Variants in MDN1 observed in about 807,000 individuals in gnomAD.
MDN1 encodes the protein midasin.
MDN1 carries 266 observed loss-of-function variants against 669.2 expected under a neutral mutation model. The ratio of observed to expected loss-of-function variants is 0.40; its 90% CI spans 0.36 to 0.44. The LOEUF (loss-of-function observed/expected upper bound fraction) is 0.44, where lower values mean the gene tolerates loss of function less well. Ranked by LOEUF, MDN1 falls within the 20% of genes least tolerant of loss-of-function variation. MDN1 has a pLI of 1.00. For missense variants in MDN1, 5,940 were observed against 6,754.0 expected (o/e 0.88, Z 4.22); for synonymous variants, 2,385 against 2,457.1 (o/e 0.97, Z 0.87).
In MDN1 at chr6:89,676,093, T is replaced by C; in HGVS notation, c.12645+9A>G. The C allele has an allele frequency of 1.9e-6, 3 of 1,612,412 alleles. No homozygotes were observed. Among genetic ancestry groups the C allele is most frequent in the Non-Finnish European group, 2.5e-6 (3 of 1,178,420 alleles). ...GAGCCCCTGCAAGACTCATGTTCTA[T>C]CATTCTACCTTGGCAGGAGTTGCTA... On this transcript the variant is annotated intron_variant, in intron 77 of 101. Transcript: ENST00000369393.
At position 89,673,468 on chromosome 6, in the gene MDN1, A is replaced by G. The variant is rs777563142; in HGVS notation, c.13248-6T>C. 2 of 1,613,568 alleles carry G rather than the reference A, an allele frequency of 1.2e-6. No homozygotes were observed. The highest frequency in any genetic ancestry group is 1.7e-5 in the Admixed American group (1 of 60,000). ...AGCAAACTTCAAAATCTTTCCTGCA[A>G]CAGAAATGCCACAATGTTGAAAGGA... is the stretch of plus-strand genomic sequence containing the variant. On this transcript the variant is annotated splice_polypyrimidine_tract_variant and splice_region_variant and intron_variant, in intron 79 of 101. Coordinates refer to ENST00000369393, the MANE Select transcript of MDN1 (RefSeq NM_014611.3).
chr6:89,727,874 G>A lies in MDN1; in HGVS notation c.5431C>T (p.Leu1811=), dbSNP rs529609414. Residue 1811 remains leucine (L), a synonymous_variant, in exon 37 of 102, where the codon CTG becomes TTG. Transcript: ENST00000369393. ...GEFAWRDGPL[L]AALKAGHWVV... is the part of the protein sequence containing the mutation. ...CAATGGCCTGCCTTCAAAGCTGCCA[G>A]TAAGGGGCCATCACGCCAGGCAAAC... 6.2e-7 allele frequency: 1 copy of A among 1,613,892 alleles called. No homozygotes were observed.
chr6:89,736,478 A>G (rs1321864689), intron 33 of MDN1, among the ~76,000 whole-genome samples: 3 of 152,146 alleles, frequency 2.0e-5, no homozygotes, highest in Non-Finnish European at 4.4e-5. Context: ...AAGACAAACC[A>G]TGCTTGGTTA....
intron 1 of MDN1, among the ~76,000 whole-genome samples, chr6:89,811,381 C>A (rs997733382): frequency 1.3e-5 from 2 of 151,912 alleles, no homozygotes; most frequent in African/African-American, 2.4e-5. Flanking sequence ...ACCATGTCAG[C>A]TGGCTTGCTA....
At chr6:89,727,729 CG>C (rs1182538522) in intron 37 of MDN1, 103 bp downstream of exon 37, 6 of 1,552,192 alleles carry the variant, frequency 3.9e-6, no homozygotes, top group Admixed American at 1.7e-5. Flanking sequence ...AAGTCATCAG[CG>C]GGATCTTCCA....
chr6:89,758,329 G>A lies in MDN1; in HGVS notation c.2628C>T (p.Asp876=). 1 of 1,610,728 alleles carries A rather than the reference G, an allele frequency of 6.2e-7. No individual in the cohort carries two copies. Among genetic ancestry groups the A allele is most frequent in the South Asian group, 1.1e-5 (1 of 90,124 alleles). Residue 876 remains aspartate (D), a synonymous_variant, in exon 19 of 102, where the codon GAC becomes GAT. Coordinates refer to ENST00000369393, the MANE Select transcript of MDN1 (RefSeq NM_014611.3). ...GDTEPLVRHP[D]FRLFACMNPA... is the part of the protein sequence containing the mutation. Reference sequence around the variant, plus strand: ...GATTCATACAGGCAAATAAACGGAAGTCAGGATGCCGAACCAGTGGCTCTG... The same window carrying A: ...GATTCATACAGGCAAATAAACGGAAATCAGGATGCCGAACCAGTGGCTCTG...
chr6:89,738,407 T>G lies in MDN1; in HGVS notation c.4642A>C (p.Ser1548Arg). 6.2e-7 allele frequency: 1 copy of G among 1,614,108 alleles called. No individual in the cohort carries two copies. Among genetic ancestry groups the G allele is most frequent in the African/African-American group, 1.3e-5 (1 of 75,042 alleles). Residue 1548 changes from serine (S) to arginine (R), a missense_variant, in exon 33 of 102, where the codon AGC becomes CGC. Coordinates refer to ENST00000369393, the MANE Select transcript of MDN1 (RefSeq NM_014611.3). ...NRFTEIWCPQSTSREDLIQII... is the reference protein window; with the variant it reads ...NRFTEIWCPQRTSREDLIQII... ...TGAATTAAATCTTCACGGCTTGTGCTTTGAGGGCACCATATTTCTGTAAAC... is the reference window on the plus strand; with the variant it reads ...TGAATTAAATCTTCACGGCTTGTGCGTTGAGGGCACCATATTTCTGTAAAC...
At chr6:89,720,814 T>G (rs1359657986) in intron 40 of MDN1, among the ~76,000 whole-genome samples, 1 of 152,208 alleles carries the variant, frequency 6.6e-6, no homozygotes, top group East Asian at 1.9e-4. Flanking sequence ...TAGTGTGTAA[T>G]TAGATTCTGA....
rs1347529639 is a variant in MDN1 at position 89,664,559 on chromosome 6, C to A, written c.14164G>T (p.Gly4722Cys). Residue 4722 changes from glycine (G) to cysteine (C), a missense_variant, in exon 85 of 102, where the codon GGC (glycine) becomes TGC (cysteine). Transcript: ENST00000369393. ...GACATCTCAATGGCATTATCCTCGC[C>A]CTTAATATCAGATTTTGAATCAGGA... ...EDPDSKSDIKGEDNAIEMSED... is the reference protein window; with the variant it reads ...EDPDSKSDIKCEDNAIEMSED... 4 of 1,613,664 alleles carry A rather than the reference C, an allele frequency of 2.5e-6. No individual in the cohort carries two copies. Among genetic ancestry groups the A allele is most frequent in the Non-Finnish European group, 3.4e-6 (4 of 1,179,748 alleles).
At chr6:89,652,392 T>G (rs1808943026) in intron 94 of MDN1, 111 bp from the exon 95 acceptor site, 2 of 766,252 alleles carry the variant, frequency 2.6e-6, no homozygotes, top group Admixed American at 5.3e-5. Context: ...AGTCAAATGC[T>G]CCTGAGATTC....
intron 75 of MDN1, among the ~76,000 whole-genome samples, chr6:89,677,936 A>G (rs2128305508): frequency 6.6e-6 from 1 of 152,370 alleles, no homozygotes; most frequent in Non-Finnish European, 1.5e-5. Flanking sequence ...TCTCTATGCT[A>G]TGCTGCAAGC....
At chr6:89,819,364 CAGCCCA>C (rs1192659023) in intron 1 of MDN1, 136 bp downstream of exon 1, 5 of 767,258 alleles carry the variant, frequency 6.5e-6, no homozygotes, top group Non-Finnish European at 1.1e-5. Flanking sequence ...CGACCTGCGC[CAGCCCA>C]CAGGAGGGGG....
chr6:89,708,096 G>A (rs186135957), intron 51 of MDN1, among the ~76,000 whole-genome samples: 488 of 152,196 alleles, frequency 3.2e-3, no homozygotes, highest in South Asian at 3.9e-3. Context: ...GAGCTTAGAA[G>A]TTTAAGACCA....
chr6:89,720,092 C>T, intron 40 of MDN1, among the ~76,000 whole-genome samples: 1 of 151,590 alleles, frequency 6.6e-6, no homozygotes, highest in African/African-American at 2.4e-5. Context: ...TAATTGAATA[C>T]TACAATGAAG....
Position 89,781,553 on chromosome 6 carries a change from C to G in MDN1, c.1489G>C (p.Asp497His). 6.2e-7 allele frequency: 1 copy of G among 1,612,888 alleles called. No individual in the cohort carries two copies. The highest frequency in any genetic ancestry group is 8.5e-7 in the Non-Finnish European group (1 of 1,179,154). ...SRYPSLLAVVDHLLDIYIQLT... is the reference protein window; with the variant it reads ...SRYPSLLAVVHHLLDIYIQLT... Reference sequence around the variant, plus strand: ...TGGATATAAATGTCAAGCAGGTGATCAACCACTGCCAATAGGCTAGGATAT... The same window carrying G: ...TGGATATAAATGTCAAGCAGGTGATGAACCACTGCCAATAGGCTAGGATAT... Residue 497 changes from aspartate to histidine, a missense_variant, in exon 10 of 102, where the codon GAT becomes CAT. Transcript: ENST00000369393.
Position 89,727,804 on chromosome 6 carries a change from G to A in MDN1, c.5472+29C>T, listed in dbSNP as rs766753353. ...ACTGCTCCTCACACACATGATCACCGTCTTGGGCATGACAAACAGGCCCCT... is the reference window on the plus strand; with the variant it reads ...ACTGCTCCTCACACACATGATCACCATCTTGGGCATGACAAACAGGCCCCT... On this transcript the variant is annotated intron_variant, in intron 37 of 101. Coordinates refer to ENST00000369393, the MANE Select transcript of MDN1 (RefSeq NM_014611.3). 3.4e-5 allele frequency: 54 copies of A among 1,611,162 alleles called. No individual in the cohort carries two copies. The Admixed American group carries it at 6.4e-4, about 19-fold the overall frequency.
Position 89,790,227 on chromosome 6 carries a change from C to G in MDN1, c.1030G>C (p.Ala344Pro), listed in dbSNP as rs770418390. 1 of 1,614,162 alleles carries G rather than the reference C, an allele frequency of 6.2e-7. No homozygotes were observed. The highest frequency in any genetic ancestry group is 2.2e-5 in the East Asian group (1 of 44,886). The part of the protein sequence containing the change: ...GKTSLVEYLA[A>P]VTGRTKPPQL... ...GGAGGCTTTGTTCTACCTGTCACTG[C>G]AGCTAAATATTCAACTAAGGAAGTT... is the stretch of plus-strand genomic sequence containing the variant. The change falls in exon 6 of 102, where the codon GCA becomes CCA. Residue 344 changes from alanine (A) to proline (P), a missense_variant. This residue lies in a region of MDN1 where 1,203 missense variants were observed against 1,268.9 expected (regional missense o/e 0.95). Transcript: ENST00000369393.
intron 1 of MDN1, among the ~76,000 whole-genome samples, chr6:89,817,596 AG>A (rs2128333581): frequency 6.6e-6 from 1 of 152,360 alleles, no homozygotes; most frequent in East Asian, 1.9e-4. Flanking sequence ...AGAGAGATGT[AG>A]CCTTCTAAGG....
intron 15 of MDN1, among the ~76,000 whole-genome samples, chr6:89,770,705 G>C (rs1026476062): frequency 6.6e-6 from 1 of 152,070 alleles, no homozygotes; most frequent in East Asian, 1.9e-4. Context: ...ATTTCATCAT[G>C]TTGGCCAGGC....
Sources: allele counts gnomAD v4.1 joint callset (sites outside exome capture counted in the v4.1 genomes callset), GRCh38; gene constraint gnomAD v4.1.1; regional missense constraint gnomAD v4.1.1; transcripts MANE v1.5; gene names NCBI Gene and HGNC (gene_info 2026-07-23, HGNC 2026-07-21).